DDHD1: variants seen among roughly 807,000 people sequenced by gnomAD.
The protein encoded by DDHD1 is DDHD domain containing 1.
DDHD1 carries 49 observed loss-of-function variants against 96.4 expected under a neutral mutation model. The observed-to-expected ratio is 0.51, with a 90% CI of 0.40 to 0.64. The LOEUF (loss-of-function observed/expected upper bound fraction) is 0.64. Among genes scored for constraint, DDHD1 ranks in the 30% least tolerant of loss-of-function variants. The pLI is 0.00. For missense variants in DDHD1, 1,106 were observed against 1,161.2 expected (o/e 0.95, Z 0.69); for synonymous variants, 442 against 446.5 (o/e 0.99, Z 0.13).
chr14:53,141,981 G>A (rs992180290), intron 1 of DDHD1, among the ~76,000 whole-genome samples: 1 of 151,746 alleles, frequency 6.6e-6, no homozygotes, highest in Non-Finnish European at 1.5e-5. Flanking sequence ...AAATATACCA[G>A]CCTGGCTTAG....
chr14:53,091,770 C>T lies in DDHD1; in HGVS notation c.1289+15G>A. 6.2e-7 allele frequency: 1 copy of T among 1,611,214 alleles called. No individual in the cohort carries two copies. The highest frequency in any genetic ancestry group is 1.7e-4 in the Middle Eastern group (1 of 6,034). On this transcript the variant is annotated intron_variant, in intron 4 of 12. Coordinates refer to ENST00000673822, the MANE Select transcript of DDHD1 (RefSeq NM_001160148.2). ...TTCTAGATTAGATATACAATGCATTCATCAAAGAACTTACATAGCTGTATT... is the reference window on the plus strand; with the variant it reads ...TTCTAGATTAGATATACAATGCATTTATCAAAGAACTTACATAGCTGTATT...
At chr14:53,139,840 C>A (rs1305274987) in intron 1 of DDHD1, among the ~76,000 whole-genome samples, 29 of 60,312 alleles carry the variant, frequency 4.8e-4, no homozygotes, top group African/African-American at 1.6e-3. Flanking sequence ...TGCCAAGAGA[C>A]CACAAAAAAA....
intron 1 of DDHD1, among the ~76,000 whole-genome samples, chr14:53,117,425 T>C (rs1048130563): frequency 2.0e-5 from 3 of 152,104 alleles, no homozygotes; most frequent in Non-Finnish European, 4.4e-5. Context: ...CCTGGAGAAA[T>C]GGTACACTCC....
intron 1 of DDHD1, among the ~76,000 whole-genome samples, chr14:53,130,527 T>C (rs1037658196): frequency 5.9e-5 from 9 of 152,128 alleles, no homozygotes; most frequent in Non-Finnish European, 1.3e-4. Context: ...CTTCAAAGTG[T>C]ACAATAATAG....
At chr14:53,102,272 T>C (rs1334417570) in intron 2 of DDHD1, among the ~76,000 whole-genome samples, 1 of 152,076 alleles carries the variant, frequency 6.6e-6, no homozygotes, top group Admixed American at 6.5e-5. Flanking sequence ...ATCACAGATA[T>C]ATAAAACTTG....
chr14:53,110,702 G>A lies in DDHD1; in HGVS notation c.839-6846C>T, dbSNP rs117448298. ...ATAAGAGTAACTATCATAGCTAGGC[G>A]TGGTGGCTCAAACCTGTAATCCCAG... On this transcript the variant is annotated intron_variant, in intron 1 of 12. Coordinates refer to ENST00000673822, the MANE Select transcript of DDHD1 (RefSeq NM_001160148.2). Among the ~76,000 whole-genome samples, 125 of 152,282 alleles carry A rather than the reference G, an allele frequency of 8.2e-4. 5 individuals are homozygous for A. In the East Asian group the frequency reaches 0.017, roughly 21 times the overall value.
rs1302641681 is a variant in DDHD1, at chr14:53,037,342, A to C, written c.*9426T>G. On this transcript the variant is annotated 3_prime_UTR_variant, in exon 13 of 13. Coordinates refer to ENST00000673822, the MANE Select transcript of DDHD1 (RefSeq NM_001160148.2). ...TTGAGAAATCTCCAAACTGCTTTCC[A>C]CAGTGACTGAACTAATTTACATTCC... 8 of 152,310 alleles carry C rather than the reference A, an allele frequency of 5.3e-5. No individual in the cohort carries two copies. In the East Asian group the frequency reaches 1.5e-3, roughly 29 times the overall value. 9.4% of individuals were successfully genotyped at this position (152,310 alleles called of 1,614,324 possible). A position where few individuals can be genotyped will look rare whatever the true frequency, so the allele number is the denominator to read the frequency against.
intron 1 of DDHD1, among the ~76,000 whole-genome samples, chr14:53,130,391 T>C (rs1452924456): frequency 6.6e-6 from 1 of 152,188 alleles, no homozygotes; most frequent in Non-Finnish European, 1.5e-5. Flanking sequence ...TCATGGCCCA[T>C]TTGTTAACAA....
intron 4 of DDHD1, among the ~76,000 whole-genome samples, chr14:53,091,052 A>G (rs1886393269): frequency 6.6e-6 from 1 of 152,202 alleles, no homozygotes. Context: ...TATAAGCCTC[A>G]GAATCAAATA....
chr14:53,056,788 AG>A (rs1176629544), intron 9 of DDHD1, among the ~76,000 whole-genome samples: 1 of 152,230 alleles, frequency 6.6e-6, no homozygotes, highest in African/African-American at 2.4e-5. Context: ...TAAAAATCAC[AG>A]AAAAACTATA....
At chr14:53,068,243 C>CTTTTTTTTTTTTTT (rs55662153) in intron 6 of DDHD1, among the ~76,000 whole-genome samples, 4 of 104,452 alleles carry the variant, frequency 3.8e-5, no homozygotes, top group African/African-American at 1.2e-4. Flanking sequence ...CTTTATGATA[C>CTTTTTTTTTTTTTT]TTTTTTTTTT....
intron 1 of DDHD1, 147 bp from the exon 2 acceptor site, chr14:53,104,003 GTTTA>G (rs570219153): frequency 7.3e-6 from 5 of 683,308 alleles, no homozygotes; most frequent in Admixed American, 3.5e-5. Flanking sequence ...TTTTATTTAT[GTTTA>G]TTTATTTTGA....
intron 4 of DDHD1, among the ~76,000 whole-genome samples, chr14:53,079,510 A>T (rs1197454157): frequency 6.6e-6 from 1 of 152,128 alleles, no homozygotes; most frequent in Non-Finnish European, 1.5e-5. Flanking sequence ...TGCTTCTAGA[A>T]ATTTGTCCAT....
At chr14:53,147,127 C>T (rs905624474) in intron 1 of DDHD1, among the ~76,000 whole-genome samples, 6 of 152,164 alleles carry the variant, frequency 3.9e-5, no homozygotes, top group Non-Finnish European at 8.8e-5. Context: ...TCCTCCCTGA[C>T]ATACACTTTC....
chr14:53,090,587 C>A (rs947328291), intron 4 of DDHD1, among the ~76,000 whole-genome samples: 1 of 152,046 alleles, frequency 6.6e-6, no homozygotes, highest in Non-Finnish European at 1.5e-5. Flanking sequence ...ACATGGATGT[C>A]GCTGGAAACC....
In DDHD1 at chr14:53,152,580, C is replaced by G. The variant is rs1891508017; in HGVS notation, c.519G>C (p.Lys173Asn). ...LGPEEVRWFY[K>N]EDKKTWKPFI... is the part of the protein sequence containing the mutation. ...AGGGCTTCCAGGTCTTCTTGTCCTCCTTGTAGAACCAGCGTACCTCCTCCG... is the reference window on the plus strand; with the variant it reads ...AGGGCTTCCAGGTCTTCTTGTCCTCGTTGTAGAACCAGCGTACCTCCTCCG... Residue 173 changes from lysine (K) to asparagine (N), a missense_variant, in exon 1 of 13, where the codon AAG (lysine) becomes AAC (asparagine). Transcript: ENST00000673822. The G allele has an allele frequency of 1.2e-6, 2 of 1,613,808 alleles. No homozygotes were observed. Among genetic ancestry groups the G allele is most frequent in the African/African-American group, 2.7e-5 (2 of 74,926 alleles).
chr14:53,061,288 C>T (rs1011705712), intron 7 of DDHD1, 87 bp from the exon 8 acceptor site: 81 of 1,134,730 alleles, frequency 7.1e-5, no homozygotes, highest in Non-Finnish European at 9.3e-5. Flanking sequence ...AGTATAAAGA[C>T]GCAGATGATG....
intron 11 of DDHD1, 32 bp from the exon 12 acceptor site, chr14:53,051,959 G>C (rs1264682050): frequency 3.3e-6 from 5 of 1,526,256 alleles, no homozygotes; most frequent in African/African-American, 1.4e-5. Flanking sequence ...TGCTGTAAAG[G>C]GTTGGCTGAT....
intron 1 of DDHD1, among the ~76,000 whole-genome samples, chr14:53,109,827 A>C (rs1037493377): frequency 3.3e-5 from 5 of 152,220 alleles, no homozygotes; most frequent in African/African-American, 1.2e-4. Context: ...CCAAGATTCC[A>C]ACCAAAGTTT....
Sources: allele counts gnomAD v4.1 joint callset (sites outside exome capture counted in the v4.1 genomes callset), GRCh38; gene constraint gnomAD v4.1.1; transcripts MANE v1.5; gene names NCBI Gene and HGNC (gene_info 2026-07-23, HGNC 2026-07-21).